Variants in KCTD8 observed in about 807,000 individuals in gnomAD.
KCTD8 encodes BTB/POZ domain-containing protein KCTD8.
Under a neutral mutation model 31.5 loss-of-function variants are expected in KCTD8, and 27 were observed. The observed-to-expected ratio is 0.86, with a 90% CI of 0.63 to 1.18. KCTD8 has a LOEUF of 1.18. Ranked by LOEUF, KCTD8 falls within the 50% of genes most tolerant of loss-of-function variation. KCTD8 has a pLI of 0.00. For missense variants in KCTD8, 658 were observed against 647.7 expected (o/e 1.02, Z -0.17); for synonymous variants, 290 against 280.0 (o/e 1.04, Z -0.36).
chr4:44,255,587 T>A (rs1049054031), intron 1 of KCTD8, among the ~76,000 whole-genome samples: 2 of 151,890 alleles, frequency 1.3e-5, no homozygotes, highest in African/African-American at 2.4e-5. Context: ...CATGTCCCTA[T>A]GTCAGTAATT....
intron 1 of KCTD8, among the ~76,000 whole-genome samples, chr4:44,280,196 C>T (rs950624087): frequency 3.9e-5 from 6 of 151,990 alleles, no homozygotes; most frequent in Admixed American, 3.3e-4. Context: ...AAGGCCAAAG[C>T]ACACCTGTAT....
intron 1 of KCTD8, among the ~76,000 whole-genome samples, chr4:44,264,113 A>G (rs1321890725): frequency 6.6e-6 from 1 of 152,206 alleles, no homozygotes; most frequent in Non-Finnish European, 1.5e-5. Context: ...ATTAATTAGC[A>G]ATGAAAAGGT....
chr4:44,293,610 A>G (rs192340927), intron 1 of KCTD8: 143 of 348,730 alleles, frequency 4.1e-4, no homozygotes, highest in African/African-American at 2.3e-3. Context: ...CTAGATTTCT[A>G]GTCTTTAATT....
intron 1 of KCTD8, among the ~76,000 whole-genome samples, chr4:44,316,188 T>A (rs1718103194): frequency 6.6e-6 from 1 of 152,330 alleles, no homozygotes; most frequent in Admixed American, 6.5e-5. Context: ...TTTGAGATAA[T>A]TTGTTCTGCT....
intron 1 of KCTD8, among the ~76,000 whole-genome samples, chr4:44,346,077 T>G (rs1343979713): frequency 6.6e-6 from 1 of 152,204 alleles, no homozygotes. Context: ...AAAGAAACAG[T>G]ATGAATATTG....
chr4:44,339,360 A>G (rs905252761), intron 1 of KCTD8, among the ~76,000 whole-genome samples: 3 of 152,186 alleles, frequency 2.0e-5, no homozygotes, highest in Non-Finnish European at 4.4e-5. Context: ...AAGAGTAGAC[A>G]TACAGCAAAA....
chr4:44,345,222 T>A (rs1426516019), intron 1 of KCTD8, among the ~76,000 whole-genome samples: 1 of 152,158 alleles, frequency 6.6e-6, no homozygotes, highest in Non-Finnish European at 1.5e-5. Context: ...ACCATAGTAA[T>A]TATTTTTAAC....
intron 1 of KCTD8, among the ~76,000 whole-genome samples, chr4:44,353,133 C>T (rs74605879): frequency 0.099 from 15,125 of 152,020 alleles, 832 homozygotes; most frequent in African/African-American, 0.13. Flanking sequence ...TTCTGCCCTT[C>T]TGGCCACAGA....
intron 1 of KCTD8, among the ~76,000 whole-genome samples, chr4:44,318,231 TTTTC>T (rs746183430): frequency 3.9e-5 from 6 of 152,200 alleles, no homozygotes; most frequent in Non-Finnish European, 5.9e-5. Flanking sequence ...ATACTGTCTG[TTTTC>T]TTTCTTTCTT....
intron 1 of KCTD8, among the ~76,000 whole-genome samples, chr4:44,273,338 G>A (rs1395416379): frequency 6.6e-6 from 1 of 151,900 alleles, no homozygotes; most frequent in Non-Finnish European, 1.5e-5. Flanking sequence ...AGCCAAAAAT[G>A]CATATGTGTA....
chr4:44,200,717 G>T (rs1416238866), intron 1 of KCTD8, among the ~76,000 whole-genome samples: 1 of 152,090 alleles, frequency 6.6e-6, no homozygotes, highest in South Asian at 2.1e-4. Flanking sequence ...ACAGGCAAAA[G>T]CTTAAATCAT....
intron 1 of KCTD8, among the ~76,000 whole-genome samples, chr4:44,194,412 C>T (rs767518900): frequency 1.5e-4 from 23 of 152,162 alleles, no homozygotes; most frequent in Non-Finnish European, 4.4e-5. Context: ...GTACTGGTAA[C>T]ACCTTCTATG....
At chr4:44,357,553 A>G (rs1321947880) in intron 1 of KCTD8, among the ~76,000 whole-genome samples, 2 of 152,086 alleles carry the variant, frequency 1.3e-5, no homozygotes, top group African/African-American at 4.8e-5. Context: ...ATGGCAGAGG[A>G]CTCTCTGCCT....
In KCTD8 at chr4:44,448,416, G is replaced by T. The variant is rs756899890; in HGVS notation, c.108C>A (p.Pro36=). 6.4e-7 allele frequency: 1 copy of T among 1,564,074 alleles called. No individual in the cohort carries two copies. Among genetic ancestry groups the T allele is most frequent in the South Asian group, 1.2e-5 (1 of 83,364 alleles). The part of the protein sequence containing the change: ...PGASAAAAPG[P]CAPSPFPEVV... Reference sequence around the variant, plus strand: ...CTTCAGGGAAGGGCGAGGGTGCGCAGGGCCCCGGGGCGGCGGCGGCCGACG... The same window carrying T: ...CTTCAGGGAAGGGCGAGGGTGCGCATGGCCCCGGGGCGGCGGCGGCCGACG... Residue 36 remains proline, a synonymous_variant, in exon 1 of 2, where the codon CCC becomes CCA. Transcript: ENST00000360029. The surrounding 1 kb of genome is among the most constrained non-coding windows in gnomAD (Gnocchi z 4.1).
intron 1 of KCTD8, among the ~76,000 whole-genome samples, chr4:44,287,107 AT>A (rs1717101932): frequency 6.6e-6 from 1 of 152,116 alleles, no homozygotes; most frequent in Non-Finnish European, 1.5e-5. Context: ...ATAAACTTGC[AT>A]GAGCTCATTA....
rs137918347 is a variant in KCTD8, at chr4:44,413,321, T to C, written c.961+34242A>G. Reference sequence around the variant, plus strand: ...ACAATAATATCTAACTGAAATAGCATTCGTATAAAATGAGCAGTTTGATGG... The same window carrying C: ...ACAATAATATCTAACTGAAATAGCACTCGTATAAAATGAGCAGTTTGATGG... On this transcript the variant is annotated intron_variant, in intron 1 of 1. Coordinates refer to ENST00000360029, the MANE Select transcript of KCTD8 (RefSeq NM_198353.3). Among the ~76,000 whole-genome samples, 108 of 152,270 alleles carry C rather than the reference T, an allele frequency of 7.1e-4. 1 individual carries two copies. The Middle Eastern group carries it at 0.01, about 14-fold the overall frequency.
chr4:44,357,366 A>T (rs894975756), intron 1 of KCTD8, among the ~76,000 whole-genome samples: 1 of 152,222 alleles, frequency 6.6e-6, no homozygotes, highest in African/African-American at 2.4e-5. Flanking sequence ...CAAAAGAAAA[A>T]GTAATAAATA....
At chr4:44,258,930 CCCTA>C (rs2109364655) in intron 1 of KCTD8, among the ~76,000 whole-genome samples, 1 of 151,844 alleles carries the variant, frequency 6.6e-6, no homozygotes, top group South Asian at 2.1e-4. Flanking sequence ...TAATAATGAC[CCCTA>C]CCTCATAAAA....
At position 44,244,654 on chromosome 4, in the gene KCTD8, C is replaced by T. The variant is rs1164663671; in HGVS notation, c.962-69404G>A. Among the ~76,000 whole-genome samples, 4 of 152,144 alleles carry T rather than the reference C, an allele frequency of 2.6e-5. No individual in the cohort carries two copies. In the South Asian group the frequency reaches 8.3e-4, roughly 31 times the overall value. ...AACTGGTCATAAAGAAATTCTCTGA[C>T]ATATGTTGTCTGATACTAGGTCATA... is the stretch of plus-strand genomic sequence containing the variant. On this transcript the variant is annotated intron_variant, in intron 1 of 1. Transcript: ENST00000360029.
Sources: gnomAD v4.1 joint callset for allele counts (sites outside exome capture counted in the v4.1 genomes callset) on GRCh38, gnomAD v4.1.1 for gene constraint, Gnocchi (gnomAD v3.1) non-coding constraint, MANE v1.5 for transcripts, NCBI Gene and HGNC (gene_info 2026-07-23, HGNC 2026-07-21) for gene names.